Variants in ARSB observed in about 807,000 individuals in gnomAD.
ARSB encodes N-acetylgalactosamine-4-sulfatase.
A neutral mutation model predicts 50.9 loss-of-function variants in ARSB; 41 were observed. The observed-to-expected ratio is 0.81, with a 90% CI of 0.63 to 1.04. ARSB has a LOEUF of 1.04. Among genes scored for constraint, ARSB ranks in the 50% least tolerant of loss-of-function variants. The pLI is 0.00. For missense variants in ARSB, 672 were observed against 693.3 expected, an observed-to-expected ratio of 0.97 and a Z score of 0.35; for synonymous variants, 269 against 284.8, an observed-to-expected ratio of 0.94 and a Z score of 0.56.
At chr5:78,872,329 T>G (rs892960756) in intron 5 of ARSB, among the ~76,000 whole-genome samples, 1 of 150,800 alleles carries the variant, frequency 6.6e-6, no homozygotes, top group African/African-American at 2.4e-5. Flanking sequence ...TATACCCAAA[T>G]GACTATAAAT....
At chr5:78,800,029 A>G (rs1345018145) in intron 6 of ARSB, among the ~76,000 whole-genome samples, 1 of 152,194 alleles carries the variant, frequency 6.6e-6, no homozygotes, top group Non-Finnish European at 1.5e-5. Flanking sequence ...AAGAGAAGCA[A>G]AGTAGCGGCC....
intron 4 of ARSB, among the ~76,000 whole-genome samples, chr5:78,891,277 C>A (rs898847049): frequency 1.3e-5 from 2 of 152,204 alleles, no homozygotes; most frequent in African/African-American, 4.8e-5. Flanking sequence ...GCTGCTTAAA[C>A]TATAGGAGCT....
chr5:78,886,485 C>T (rs1055268331), intron 4 of ARSB, among the ~76,000 whole-genome samples: 4 of 152,062 alleles, frequency 2.6e-5, no homozygotes, highest in Non-Finnish European at 5.9e-5. Flanking sequence ...AATAAAGTTT[C>T]ATTATGCACA....
At chr5:78,840,835 A>G (rs879315119) in intron 5 of ARSB, among the ~76,000 whole-genome samples, 2 of 152,168 alleles carry the variant, frequency 1.3e-5, no homozygotes, top group Non-Finnish European at 2.9e-5. Flanking sequence ...TTTCGGAGAC[A>G]CTTAACTGCC....
At chr5:78,792,245 G>A (rs1440824376) in intron 6 of ARSB, among the ~76,000 whole-genome samples, 22 of 151,932 alleles carry the variant, frequency 1.4e-4, no homozygotes, top group Admixed American at 1.4e-3. Flanking sequence ...CAGGTGTGAC[G>A]GTGCATGCCT....
chr5:78,829,637 T>C (rs931770883), intron 6 of ARSB, among the ~76,000 whole-genome samples: 1 of 152,154 alleles, frequency 6.6e-6, no homozygotes, highest in African/African-American at 2.4e-5. Context: ...CATCTTACAT[T>C]ATGGGTTACT....
intron 4 of ARSB, among the ~76,000 whole-genome samples, chr5:78,935,927 T>TCCTCC (rs1305197290): frequency 0.021 from 2,209 of 107,034 alleles, 122 homozygotes; most frequent in African/African-American, 0.062. Context: ...TCCTCCCCTC[T>TCCTCC]CCTCCACTCC....
At chr5:78,942,808 G>T (rs1375823280) in intron 4 of ARSB, among the ~76,000 whole-genome samples, 1 of 152,166 alleles carries the variant, frequency 6.6e-6, no homozygotes, top group Admixed American at 6.5e-5. Context: ...GCTTGGTGCA[G>T]AGCTGAGTTC....
intron 6 of ARSB, among the ~76,000 whole-genome samples, chr5:78,799,031 C>T (rs7736777): frequency 0.22 from 33,315 of 152,134 alleles, 5,111 homozygotes; most frequent in African/African-American, 0.44. Flanking sequence ...AAAGTAAGGA[C>T]GTTTTATATT....
chr5:78,825,644 A>G (rs1177863187), intron 6 of ARSB, among the ~76,000 whole-genome samples: 1 of 152,208 alleles, frequency 6.6e-6, no homozygotes, highest in Non-Finnish European at 1.5e-5. Flanking sequence ...CTTATATCTC[A>G]GTCAAAAGAT....
At chr5:78,846,063 G>T (rs1190524021) in intron 5 of ARSB, among the ~76,000 whole-genome samples, 2 of 152,054 alleles carry the variant, frequency 1.3e-5, no homozygotes, top group African/African-American at 4.8e-5. Flanking sequence ...TTTATATATG[G>T]TGAGAGATAC....
At chr5:78,936,218 G>A (rs1229317150) in intron 4 of ARSB, among the ~76,000 whole-genome samples, 3 of 145,280 alleles carry the variant, frequency 2.1e-5, no homozygotes, top group South Asian at 2.2e-4. Context: ...TCCGCCTCCC[G>A]GGTTCAAGCG....
chr5:78,831,238 G>A (rs1238646024), intron 6 of ARSB, among the ~76,000 whole-genome samples: 1 of 152,024 alleles, frequency 6.6e-6, no homozygotes, highest in Admixed American at 6.6e-5. Flanking sequence ...CAGGAAATAA[G>A]TCAGAGCTGG....
chr5:78,882,970 G>C (rs1747832895), intron 5 of ARSB: 1 of 151,936 alleles, frequency 6.6e-6, no homozygotes, highest in Non-Finnish European at 1.5e-5. Flanking sequence ...TTTTAGTAGA[G>C]ACGGGGTTTC....
intron 6 of ARSB, among the ~76,000 whole-genome samples, chr5:78,783,053 T>C (rs1389890524): frequency 6.6e-6 from 1 of 152,140 alleles, no homozygotes; most frequent in Admixed American, 6.5e-5. Flanking sequence ...ACAAGGGCCC[T>C]CACCTCACTC....
At chr5:78,960,323 T>C (rs2112500186) in intron 3 of ARSB, among the ~76,000 whole-genome samples, 1 of 152,290 alleles carries the variant, frequency 6.6e-6, no homozygotes, top group East Asian at 1.9e-4. Context: ...AGGAAGAAAG[T>C]CTTATTTTCA....
At chr5:78,825,645 G>T (rs1484047024) in intron 6 of ARSB, among the ~76,000 whole-genome samples, 1 of 152,064 alleles carries the variant, frequency 6.6e-6, no homozygotes, top group Non-Finnish European at 1.5e-5. Context: ...TTATATCTCA[G>T]TCAAAAGATA....
chr5:78,861,890 A>G (rs549076674), intron 5 of ARSB, among the ~76,000 whole-genome samples: 161 of 152,340 alleles, frequency 1.1e-3, no homozygotes, highest in African/African-American at 3.6e-3. Flanking sequence ...AAATCTCCTT[A>G]AGCTGATAAG....
chr5:78,781,739 T>C, intron 7 of ARSB, 113 bp downstream of exon 7: 1 of 1,473,434 alleles, frequency 6.8e-7, no homozygotes, highest in Non-Finnish European at 9.5e-7. Flanking sequence ...TCCAGAGAAA[T>C]GGCCGTGGGA....
Sources: gnomAD v4.1 joint callset for allele counts (sites outside exome capture counted in the v4.1 genomes callset) on GRCh38, gnomAD v4.1.1 for gene constraint, MANE v1.5 for transcripts, NCBI Gene and HGNC (gene_info 2026-07-23, HGNC 2026-07-21) for gene names.